ZNF878: variants seen among roughly 807,000 people sequenced by gnomAD.
The protein encoded by ZNF878 is zinc finger protein 878.
Under a neutral mutation model 11.1 loss-of-function variants are expected in ZNF878, and 10 were observed. The ratio of observed to expected loss-of-function variants is 0.90; its 90% CI spans 0.56 to 1.53. ZNF878 has a LOEUF of 1.53. ZNF878 is among the 40% of genes most tolerant of loss of function. The probability of loss-of-function intolerance (pLI) is 0.00; values close to 1 mark genes in which losing one functional copy is unlikely to be tolerated. For synonymous variants in ZNF878, 165 were observed against 209.7 expected (o/e 0.79, Z 1.84); for missense variants, 548 against 626.1 (o/e 0.88, Z 1.33).
chr19:12,046,900 T>G (rs1034324188), intron 1 of ZNF878, 140 bp from the exon 2 acceptor site: 2 of 1,284,650 alleles, frequency 1.6e-6, no homozygotes, highest in East Asian at 4.8e-5. Flanking sequence ...ATCAGATCCC[T>G]TACTCTGTCT....
Position 12,045,043 on chromosome 19 carries a change from G to A in ZNF878, c.358C>T (p.His120Tyr), listed in dbSNP as rs1686988637. ...CTGGAATAACTAAAGGCTCTGAGGTGCCTATTAAGGGATGAAAGACCTATG... is the reference window on the plus strand; with the variant it reads ...CTGGAATAACTAAAGGCTCTGAGGTACCTATTAAGGGATGAAAGACCTATG... ...IGIGLSSLNR[H>Y]LRAFSYSSSL... The change falls in exon 4 of 4, where the codon CAC becomes TAC. Residue 120 changes from histidine (H) to tyrosine (Y), a missense_variant. Physicochemically the swap from His to Tyr is moderately conservative, Grantham distance 83. Transcript: ENST00000547628. 6.2e-7 allele frequency: 1 copy of A among 1,614,044 alleles called. No individual in the cohort carries two copies. Among genetic ancestry groups the A allele is most frequent in the Middle Eastern group, 1.6e-4 (1 of 6,062 alleles).
In ZNF878 at chr19:12,049,460, CAAAAAA is replaced by C. The variant is rs59577895; in HGVS notation, c.4-2706_4-2701del. Among the ~76,000 whole-genome samples the C allele has an allele frequency of 3.6e-4, 13 of 36,034 alleles. 1 individual carries two copies. Among genetic ancestry groups the C allele is most frequent in the Admixed American group, 1.2e-3 (2 of 1,664 alleles). 23.6% of individuals were successfully genotyped at this position (36,034 alleles called of 152,430 possible). ...TGAGCGACAGAGCGAGACTCCCTCTCAAAAAAAAAAAAAAAAAAAAAGAATAACAGG... is the reference window on the plus strand; with the variant it reads ...TGAGCGACAGAGCGAGACTCCCTCTCAAAAAAAAAAAAAAAGAATAACAGG... On this transcript the variant is annotated intron_variant, in intron 1 of 3. Coordinates refer to ENST00000547628, the MANE Select transcript of ZNF878 (RefSeq NM_001080404.3).
Position 12,044,804 on chromosome 19 carries a change from A to G in ZNF878, c.597T>C (p.Tyr199=), listed in dbSNP as rs1599388644. The change falls in exon 4 of 4, where the codon TAT becomes TAC. Residue 199 remains tyrosine, a synonymous_variant. Transcript: ENST00000547628. The part of the protein sequence containing the change: ...HERIHSAKKP[Y]ECKQCGKALS... The stretch of plus-strand genomic sequence containing the variant: ...ATGCTTTCCCACACTGCTTACATTC[A>G]TAGGGTTTTTTTGCAGAGTGGATTC... 1.2e-6 allele frequency: 2 copies of G among 1,614,166 alleles called. No homozygotes were observed. The highest frequency in any genetic ancestry group is 2.2e-5 in the East Asian group (1 of 44,880).
In ZNF878 at chr19:12,045,055, A is replaced by C; in HGVS notation, c.346T>G (p.Ser116Ala). The change falls in exon 4 of 4, where the codon TCC becomes GCC. Residue 116 changes from serine to alanine, a missense_variant. Physicochemically the swap from Ser to Ala is moderately conservative, Grantham distance 99. Coordinates refer to ENST00000547628, the MANE Select transcript of ZNF878 (RefSeq NM_001080404.3). ...AAGGCTCTGAGGTGCCTATTAAGGG[A>C]TGAAAGACCTATGCCGATTTCTCCA... Reference protein sequence around the residue: ...VCGEIGIGLSSLNRHLRAFSY... With the variant: ...VCGEIGIGLSALNRHLRAFSY... The C allele has an allele frequency of 6.2e-7, 1 of 1,613,984 alleles. No homozygotes were observed. Among genetic ancestry groups the C allele is most frequent in the Non-Finnish European group, 8.5e-7 (1 of 1,179,948 alleles).
In ZNF878 at chr19:12,044,935, T is replaced by G. The variant is rs1388725377; in HGVS notation, c.466A>C (p.Ser156Arg). Residue 156 changes from serine (S) to arginine (R), a missense_variant, in exon 4 of 4, where the codon AGT becomes CGT. Ser to Arg is a moderately radical substitution (Grantham distance 110). Transcript: ENST00000547628. The stretch of plus-strand genomic sequence containing the variant: ...ATTCTTTCATGTCTACGAACAGAAC[T>G]GGGAAACCTGAATGCTTTCCCACAT... ...KECGKAFRFPSSVRRHERIHS... is the reference protein window; with the variant it reads ...KECGKAFRFPRSVRRHERIHS... 1 of 1,614,024 alleles carries G rather than the reference T, an allele frequency of 6.2e-7. No individual in the cohort carries two copies. Among genetic ancestry groups the G allele is most frequent in the Non-Finnish European group, 8.5e-7 (1 of 1,180,020 alleles).
Position 12,045,014 on chromosome 19 carries a change from G to T in ZNF878, c.387C>A (p.Ser129Arg). The T allele has an allele frequency of 6.2e-7, 1 of 1,614,062 alleles. No individual in the cohort carries two copies. Among genetic ancestry groups the T allele is most frequent in the East Asian group, 2.2e-5 (1 of 44,872 alleles). ...RHLRAFSYSS[S>R]LAIHGRTHTG... ...TGTGAGTTCTTCCATGTATTGCAAG[G>T]CTACTGGAATAACTAAAGGCTCTGA... Residue 129 changes from serine (S) to arginine (R), a missense_variant, in exon 4 of 4, where the codon AGC becomes AGA. Ser to Arg is a moderately radical substitution (Grantham distance 110, BLOSUM62 -1). Around this residue, in one of 3 missense-constraint regions of ZNF878, gnomAD observed 160 missense variants for 173.3 expected, o/e 0.92. Coordinates refer to ENST00000547628, the MANE Select transcript of ZNF878 (RefSeq NM_001080404.3).
At chr19:12,045,813 G>T (rs1248953666) in intron 3 of ZNF878, among the ~76,000 whole-genome samples, 1 of 151,718 alleles carries the variant, frequency 6.6e-6, no homozygotes, top group Non-Finnish European at 1.5e-5. Context: ...TGCAACCTCC[G>T]CCTCCCAGGT....
At chr19:12,045,463 T>C (rs904954330) in intron 3 of ZNF878, among the ~76,000 whole-genome samples, 2 of 151,926 alleles carry the variant, frequency 1.3e-5, no homozygotes, top group South Asian at 2.1e-4. Flanking sequence ...CTGGCTAACA[T>C]GGTGAAACCC....
rs747242747 is a variant in ZNF878, at chr19:12,046,644, C to T, written c.120G>A (p.Leu40=). The T allele has an allele frequency of 6.2e-7, 1 of 1,613,898 alleles. No homozygotes were observed. Among genetic ancestry groups the T allele is most frequent in the African/African-American group, 1.3e-5 (1 of 74,906 alleles). Residue 40 remains leucine, a synonymous_variant, in exon 2 of 4, where the codon CTG becomes CTA. Coordinates refer to ENST00000547628, the MANE Select transcript of ZNF878 (RefSeq NM_001080404.3). ...TACTGTCATTCTTACCTATGGAGGT[C>T]AGGTTCCTCAAGGTTTCCTGCATCA... ...REVMQETLRN[L]TSIGKKWNNQ...
intron 1 of ZNF878, among the ~76,000 whole-genome samples, chr19:12,048,240 T>C (rs1190243997): frequency 3.3e-5 from 5 of 151,234 alleles, no homozygotes; most frequent in African/African-American, 1.2e-4. Flanking sequence ...AGGCCTGGGC[T>C]GGGCGCGGTG....
chr19:12,044,181 G>A lies in ZNF878; in HGVS notation c.1220C>T (p.Ala407Val). 2.5e-6 allele frequency: 4 copies of A among 1,613,780 alleles called. No individual in the cohort carries two copies. Among genetic ancestry groups the A allele is most frequent in the Non-Finnish European group, 2.5e-6 (3 of 1,179,964 alleles). ...CKQCGKAFRS[A>V]SVLQKHIRTH... ...TCGTATGTGCTTTTGAAGGACTGAG[G>A]CAGATCTGAAGGCTTTCCCACATTG... Residue 407 changes from alanine (A) to valine (V), a missense_variant, in exon 4 of 4, where the codon GCC (alanine) becomes GTC (valine). This residue lies in a region of ZNF878 where 335 missense variants were observed against 358.2 expected (regional missense o/e 0.94). Transcript: ENST00000547628.
intron 1 of ZNF878, among the ~76,000 whole-genome samples, chr19:12,049,282 G>A (rs1975526961): frequency 6.6e-6 from 1 of 151,272 alleles, no homozygotes; most frequent in African/African-American, 2.4e-5. Flanking sequence ...CCAAAGTGGT[G>A]AAACCCCATC....
chr19:12,048,544 A>C (rs1254746597), intron 1 of ZNF878, among the ~76,000 whole-genome samples: 1 of 150,874 alleles, frequency 6.6e-6, no homozygotes, highest in Non-Finnish European at 1.5e-5. Context: ...AAAAGAAAAA[A>C]TATGGCAGGC....
chr19:12,044,020 T>G lies in ZNF878; in HGVS notation c.1381A>C (p.Ile461Leu). 6.2e-7 allele frequency: 1 copy of G among 1,610,894 alleles called. No individual in the cohort carries two copies. The highest frequency in any genetic ancestry group is 8.5e-7 in the Non-Finnish European group (1 of 1,177,808). Residue 461 changes from isoleucine to leucine, a missense_variant, in exon 4 of 4, where the codon ATT becomes CTT. Physicochemically the swap from Ile to Leu is conservative, Grantham distance 5. This residue lies in a region of ZNF878 where 335 missense variants were observed against 358.2 expected (regional missense o/e 0.94). Coordinates refer to ENST00000547628, the MANE Select transcript of ZNF878 (RefSeq NM_001080404.3). ...YECKQCGKAF[I>L]SSNSIRYHKR... ...TGATAGCGAATAGAATTAGAAGAAA[T>G]GAAGGCTTTTCCACATTGCTTACAC...
rs2145522498 is a variant in ZNF878 at position 12,046,206 on chromosome 19, TAC to T, written c.191+160_191+161del. ...CCTGACCTCCAAAAGGGCTGGATTATACACATAAGCCATGTCACACTTTATAT... is the reference window on the plus strand; with the variant it reads ...CCTGACCTCCAAAAGGGCTGGATTATACATAAGCCATGTCACACTTTATAT... On this transcript the variant is annotated intron_variant, in intron 3 of 3. Coordinates refer to ENST00000547628, the MANE Select transcript of ZNF878 (RefSeq NM_001080404.3). The T allele has an allele frequency of 1.3e-5, 8 of 599,620 alleles. No homozygotes were observed. In the South Asian group the frequency reaches 2.0e-4, roughly 15 times the overall value. 37.1% of individuals were successfully genotyped at this position (599,620 alleles called of 1,614,324 possible). A position where few individuals can be genotyped will look rare whatever the true frequency, so the allele number is the denominator to read the frequency against.
chr19:12,051,406 C>G (rs1320376793), intron 1 of ZNF878, among the ~76,000 whole-genome samples: 3 of 150,932 alleles, frequency 2.0e-5, no homozygotes, highest in Non-Finnish European at 4.4e-5. Context: ...CTAATTGTTG[C>G]GATAATTAAA....
chr19:12,051,095 CAAAAAAAAAA>C (rs370628123), intron 1 of ZNF878, among the ~76,000 whole-genome samples: 1 of 37,188 alleles, frequency 2.7e-5, no homozygotes, highest in African/African-American at 1.0e-4. Flanking sequence ...GACTCCGTCT[CAAAAAAAAAA>C]AAAAAAAAAA....
intron 1 of ZNF878, among the ~76,000 whole-genome samples, chr19:12,051,012 C>T (rs904338877): frequency 1.3e-4 from 19 of 144,754 alleles, no homozygotes; most frequent in Non-Finnish European, 2.3e-4. Flanking sequence ...AGGACAATGG[C>T]GTGAACCCGG....
intron 1 of ZNF878, among the ~76,000 whole-genome samples, chr19:12,049,683 T>G (rs1975532414): frequency 6.6e-6 from 1 of 151,038 alleles, no homozygotes; most frequent in East Asian, 2.0e-4. Flanking sequence ...GGCAGGAGAA[T>G]CACTTGAACC....
Sources: gnomAD v4.1 joint callset for allele counts (sites outside exome capture counted in the v4.1 genomes callset) on GRCh38, gnomAD v4.1.1 for gene constraint, gnomAD v4.1.1 regional missense constraint, MANE v1.5 for transcripts, NCBI Gene and HGNC (gene_info 2026-07-23, HGNC 2026-07-21) for gene names.